The following LILRB1 variants were observed in gnomAD, a reference collection of about 807,000 sequenced individuals.
LILRB1 encodes the protein leukocyte immunoglobulin-like receptor subfamily B member 1.
LILRB1 carries 59 observed loss-of-function variants against 74.6 expected under a neutral mutation model. That is an observed-to-expected ratio of 0.79 (90% CI 0.64 to 0.98). The LOEUF (loss-of-function observed/expected upper bound fraction) is 0.98, where lower values mean the gene tolerates loss of function less well. Among genes scored for constraint, LILRB1 ranks in the 50% least tolerant of loss-of-function variants. The pLI is 0.00. For missense variants in LILRB1, 804 were observed against 822.6 expected, an observed-to-expected ratio of 0.98 and a Z score of 0.28; for synonymous variants, 328 against 333.9, an observed-to-expected ratio of 0.98 and a Z score of 0.19.
chr19:54,634,381 G>A, intron 9 of LILRB1: 1 of 1,540,096 alleles, frequency 6.5e-7, no homozygotes, highest in Non-Finnish European at 8.8e-7. Flanking sequence ...GCTCGGCTCT[G>A]GTGCAGGAAC....
intron 10 of LILRB1, 165 bp downstream of exon 10, chr19:54,634,928 C>T (rs577749885): frequency 6.2e-5 from 91 of 1,458,076 alleles, no homozygotes; most frequent in Non-Finnish European, 7.2e-5. Flanking sequence ...AAGTGTCCTT[C>T]GGGCTCAGTG....
At position 54,631,090 on chromosome 19, in the gene LILRB1, C is replaced by G; in HGVS notation, c.17C>G (p.Thr6Arg). MTPIL[T>R]VLICLGLSLG... ...GGAGACGCCATGACCCCCATCCTCA[C>G]GGTCCTGATCTGTCTCGGTGAGATT... The change falls in exon 2 of 15, where the codon ACG becomes AGG. Residue 6 changes from threonine (T) to arginine (R), a missense_variant. Coordinates refer to ENST00000324602, the MANE Select transcript of LILRB1 (RefSeq NM_001081637.3). 6.2e-7 allele frequency: 1 copy of G among 1,614,174 alleles called. No individual in the cohort carries two copies. The highest frequency in any genetic ancestry group is 1.1e-5 in the South Asian group (1 of 91,086).
At position 54,635,249 on chromosome 19, in the gene LILRB1, C is replaced by T. The variant is rs1480309103; in HGVS notation, c.1563-10C>T. ...ATACACTGCCCCTAAAGCTCCCATT[C>T]TTCCCCCAGGTCCAGCCCAGCTGCC... On this transcript the variant is annotated splice_polypyrimidine_tract_variant and intron_variant, in intron 11 of 14. Transcript: ENST00000324602. The T allele has an allele frequency of 1.2e-6, 2 of 1,612,260 alleles. No homozygotes were observed. The highest frequency in any genetic ancestry group is 2.7e-5 in the African/African-American group (2 of 74,916).
intron 1 of LILRB1, among the ~76,000 whole-genome samples, chr19:54,617,797 A>C (rs1314911424): frequency 6.6e-5 from 10 of 152,034 alleles, no homozygotes; most frequent in Admixed American, 6.6e-4. Flanking sequence ...GGGTAAGGAA[A>C]CAGGTTATGA....
intron 9 of LILRB1, chr19:54,634,300 G>T (rs1264253299): frequency 1.1e-5 from 17 of 1,538,852 alleles, no homozygotes; most frequent in Non-Finnish European, 1.4e-5. Context: ...AGCAGAGACG[G>T]TGACCTGGGG....
At chr19:54,627,831 T>C (rs1172812180), upstream of LILRB1, among the ~76,000 whole-genome samples, 1 of 152,120 alleles carries the variant, frequency 6.6e-6, no homozygotes, top group African/African-American at 2.4e-5. Flanking sequence ...ATGTGTGGGA[T>C]TTTTTTTCCT....
rs777111349 is a variant in LILRB1 at position 54,634,685 on chromosome 19, G to C, written c.1408G>C (p.Val470Leu). 2 of 1,613,926 alleles carry C rather than the reference G, an allele frequency of 1.2e-6. No individual in the cohort carries two copies. Among genetic ancestry groups the C allele is most frequent in the Non-Finnish European group, 8.5e-7 (1 of 1,179,932 alleles). ...LGVVIGILVA[V>L]ILLLLLLLLL... is the part of the protein sequence containing the mutation. Reference sequence around the variant, plus strand: ...GGTTGTGATCGGCATCTTGGTGGCCGTCATCCTACTGCTCCTCCTCCTCCT... The same window carrying C: ...GGTTGTGATCGGCATCTTGGTGGCCCTCATCCTACTGCTCCTCCTCCTCCT... The change falls in exon 10 of 15, where the codon GTC (valine) becomes CTC (leucine). Residue 470 changes from valine to leucine, a missense_variant. Transcript: ENST00000324602.
chr19:54,634,740 G>C lies in LILRB1; in HGVS notation c.1463G>C (p.Arg488Pro), dbSNP rs564223169. 4.3e-6 allele frequency: 7 copies of C among 1,613,946 alleles called. No individual in the cohort carries two copies. Among genetic ancestry groups the C allele is most frequent in the Middle Eastern group, 1.7e-4 (1 of 6,056 alleles). ...LLLFLILRHR[R>P]QGKHWTSTQR... The stretch of plus-strand genomic sequence containing the variant: ...CTCTTCCTCATCCTCCGACATCGAC[G>C]TCAGGGCAAACACTGGACATCGAGT... Residue 488 changes from arginine (R) to proline (P), a missense_variant, in exon 10 of 15, where the codon CGT becomes CCT. Transcript: ENST00000324602.
At chr19:54,628,630 G>A (rs2063662525), upstream of LILRB1, among the ~76,000 whole-genome samples, 1 of 152,118 alleles carries the variant, frequency 6.6e-6, no homozygotes, top group African/African-American at 2.4e-5. Context: ...ATGGGGGAAG[G>A]GGCGCAGGGC....
At chr19:54,621,372 C>T (rs1591294) in intron 1 of LILRB1, among the ~76,000 whole-genome samples, 5,040 of 152,218 alleles carry the variant, frequency 0.033, 106 homozygotes, top group South Asian at 0.054. Flanking sequence ...GCCATTTTGA[C>T]TGGTGTAAGT....
At chr19:54,634,905 A>G in intron 10 of LILRB1, 142 bp downstream of exon 10, 2 of 1,497,408 alleles carry the variant, frequency 1.3e-6, no homozygotes, top group East Asian at 2.3e-5. Context: ...AGTCAGTCCC[A>G]TCTACAAATG....
chr19:54,633,683 C>T lies in LILRB1; in HGVS notation c.1307C>T (p.Thr436Ile), dbSNP rs766022400. The part of the protein sequence containing the change: ...PSSPTTGPTS[T>I]SAGPEDQPLT... The stretch of plus-strand genomic sequence containing the variant: ...TCCCCGACAACAGGCCCCACCTCCA[C>T]ATCTGGTGAGTCCCTGAGGCTTCTG... The change falls in exon 8 of 15, where the codon ACA (threonine) becomes ATA (isoleucine). Residue 436 changes from threonine (T) to isoleucine (I), a missense_variant. Physicochemically the swap from Thr to Ile is moderately conservative, Grantham distance 89 (BLOSUM62 -1). Transcript: ENST00000324602. 1.9e-6 allele frequency: 3 copies of T among 1,613,622 alleles called. No individual in the cohort carries two copies. Among genetic ancestry groups the T allele is most frequent in the Non-Finnish European group, 2.5e-6 (3 of 1,179,832 alleles).
At chr19:54,619,955 T>A (rs868263595) in intron 1 of LILRB1, among the ~76,000 whole-genome samples, 23 of 14,284 alleles carry the variant, frequency 1.6e-3, no homozygotes, top group African/African-American at 0.013. Flanking sequence ...TTAAACCTCG[T>A]TTTTTTTTTT....
rs759168304 is a variant in LILRB1 at position 54,632,454 on chromosome 19, C to A, written c.662-10C>A. 1 of 1,592,232 alleles carries A rather than the reference C, an allele frequency of 6.3e-7. No homozygotes were observed. Among genetic ancestry groups the A allele is most frequent in the Non-Finnish European group, 8.6e-7 (1 of 1,167,100 alleles). ...GTCGGCTCCTGGAAACCATGACCAC[C>A]TTTTCCCAGGTGTTTCTAAGAAGCC... On this transcript the variant is annotated splice_polypyrimidine_tract_variant and intron_variant, in intron 5 of 14. Transcript: ENST00000324602.
At chr19:54,636,067 G>C in intron 13 of LILRB1, 1 of 542,616 alleles carries the variant, frequency 1.8e-6, no homozygotes, top group South Asian at 1.5e-5. Flanking sequence ...GCCTCCAGGA[G>C]TGCAACGTGC....
chr19:54,618,755 A>T (rs2063379685), intron 1 of LILRB1, among the ~76,000 whole-genome samples: 1 of 149,972 alleles, frequency 6.7e-6, no homozygotes, highest in African/African-American at 2.5e-5. Context: ...TAAAAAAAAT[A>T]ACTTTATATT....
At position 54,633,767 on chromosome 19, in the gene LILRB1, C is replaced by T. The variant is rs113672053; in HGVS notation, c.1312+79C>T. On this transcript the variant is annotated intron_variant, in intron 8 of 14. Coordinates refer to ENST00000324602, the MANE Select transcript of LILRB1 (RefSeq NM_001081637.3). Reference sequence around the variant, plus strand: ...CCTGGGTCTCCCAGAGAATCCCATTCCCCTCAAAGACTCGAGCTTCCCTCC... The same window carrying T: ...CCTGGGTCTCCCAGAGAATCCCATTTCCCTCAAAGACTCGAGCTTCCCTCC... 1,381 of 1,516,432 alleles carry T rather than the reference C, an allele frequency of 9.1e-4. 7 individuals carry two copies. The African/African-American group carries it at 0.018, about 19-fold the overall frequency. The allele number at this position is 1,516,432 out of a possible 1,614,324, so 93.9% of individuals were successfully genotyped here.
chr19:54,626,833 GC>G (rs139631521), upstream of LILRB1, among the ~76,000 whole-genome samples: 960 of 152,334 alleles, frequency 6.3e-3, 29 homozygotes, highest in East Asian at 0.095. Flanking sequence ...GGTCACTCCT[GC>G]CCTGCGGTGT....
At chr19:54,630,984 C>A (rs1330436736) in intron 1 of LILRB1, 42 bp from the exon 2 acceptor site, 29 of 1,614,052 alleles carry the variant, frequency 1.8e-5, no homozygotes, top group Non-Finnish European at 2.3e-5. Context: ...AAGGACCCAG[C>A]CTCCGATTGG....
Sources: allele counts gnomAD v4.1 joint callset (sites outside exome capture counted in the v4.1 genomes callset), GRCh38; gene constraint gnomAD v4.1.1; transcripts MANE v1.5; gene names NCBI Gene and HGNC (gene_info 2026-07-23, HGNC 2026-07-21).